KLHL4: variants seen among roughly 807,000 people sequenced by gnomAD.
KLHL4 encodes kelch like family member 4, also known as kelch-like protein 4.
Under a neutral mutation model 45.8 loss-of-function variants are expected in KLHL4, and 17 were observed. The observed-to-expected ratio is 0.37, with a 90% CI of 0.25 to 0.56. The LOEUF (loss-of-function observed/expected upper bound fraction) is 0.56. Ranked by LOEUF, KLHL4 falls within the 20% of genes least tolerant of loss-of-function variation. The pLI, the probability that KLHL4 is intolerant of heterozygous loss-of-function variation, is 0.79. For missense variants in KLHL4, 544 were observed against 544.9 expected (o/e 1.00, Z 0.02); for synonymous variants, 224 against 189.9 (o/e 1.18, Z -1.47).
chrX:87,626,785 C>A (rs906283947), intron 6 of KLHL4, among the ~76,000 whole-genome samples: 1 of 111,451 alleles, frequency 9.0e-6, no homozygotes, highest in African/African-American at 3.3e-5. Context: ...TTTCCTTTCA[C>A]ATGTTAATCA....
At chrX:87,657,215 T>C (rs1415354766) in intron 9 of KLHL4, among the ~76,000 whole-genome samples, 2 of 111,953 alleles carry the variant, frequency 1.8e-5, no homozygotes, top group African/African-American at 6.5e-5. Flanking sequence ...GGGTTTATGC[T>C]TTATATTTGC....
chrX:87,662,584 A>G (rs1453055957), intron 9 of KLHL4, among the ~76,000 whole-genome samples: 1 of 111,564 alleles, frequency 9.0e-6, no homozygotes, highest in East Asian at 2.8e-4. Flanking sequence ...TCAGCTTTTT[A>G]CAACTTAACT....
Position 87,534,774 on chromosome X carries a change from A to G in KLHL4, c.422+16459A>G, listed in dbSNP as rs776871911. On this transcript the variant is annotated intron_variant, in intron 1 of 10. Coordinates refer to ENST00000373119, the MANE Select transcript of KLHL4 (RefSeq NM_019117.5). ...ATTCAGGATAACTAAGATGGAAGTA[A>G]GGTTAATGATTCAAGACCTCTTAAG... Among the ~76,000 whole-genome samples, 6 of 112,319 alleles carry G rather than the reference A, an allele frequency of 5.3e-5. No individual in the cohort carries two copies. The South Asian group carries it at 2.2e-3, about 41-fold the overall frequency.
At chrX:87,574,171 G>A (rs1921020451) in intron 1 of KLHL4, among the ~76,000 whole-genome samples, 2 of 111,560 alleles carry the variant, frequency 1.8e-5, no homozygotes, top group South Asian at 3.7e-4. Context: ...ATTAAAACAA[G>A]TGTTGAGCTA....
At chrX:87,542,686 CTTGGAAGTAAATAA>C in intron 1 of KLHL4, among the ~76,000 whole-genome samples, 1 of 111,930 alleles carries the variant, frequency 8.9e-6, no homozygotes, top group African/African-American at 3.2e-5. Flanking sequence ...CCCATTGTAT[CTTGGAAGTAAATAA>C]CTTGCTTTTG....
At chrX:87,570,297 A>G (rs1932308125) in intron 1 of KLHL4, among the ~76,000 whole-genome samples, 2 of 110,998 alleles carry the variant, frequency 1.8e-5, no homozygotes, top group African/African-American at 3.3e-5. Flanking sequence ...ATATAGGCAT[A>G]TGTCAGGTAT....
At chrX:87,601,400 G>T (rs1922012328) in intron 1 of KLHL4, among the ~76,000 whole-genome samples, 2 of 111,427 alleles carry the variant, frequency 1.8e-5, no homozygotes, top group African/African-American at 6.5e-5. Context: ...CCAGCATGAG[G>T]GGCCACGTGC....
At chrX:87,551,312 A>T (rs1317452680) in intron 1 of KLHL4, among the ~76,000 whole-genome samples, 3 of 110,916 alleles carry the variant, frequency 2.7e-5, no homozygotes, top group Non-Finnish European at 5.7e-5. Flanking sequence ...AAAGACCTCT[A>T]TGAAGAAAAC....
intron 1 of KLHL4, among the ~76,000 whole-genome samples, chrX:87,538,433 G>A (rs1931479910): frequency 9.0e-6 from 1 of 111,580 alleles, no homozygotes; most frequent in South Asian, 3.6e-4. Flanking sequence ...TTGTTTTTTA[G>A]TGTTCCTTTT....
At chrX:87,539,728 A>G (rs1931511576) in intron 1 of KLHL4, among the ~76,000 whole-genome samples, 1 of 111,300 alleles carries the variant, frequency 9.0e-6, no homozygotes, top group Non-Finnish European at 1.9e-5. Context: ...GAATAAAATA[A>G]TGCACATCCT....
At chrX:87,568,265 T>C (rs757381195) in intron 1 of KLHL4, among the ~76,000 whole-genome samples, 7 of 109,850 alleles carry the variant, frequency 6.4e-5, no homozygotes, top group Non-Finnish European at 1.3e-4. Flanking sequence ...TGGAAAGATA[T>C]CCTGTGTTCC....
At chrX:87,601,076 A>G (rs778401678) in intron 1 of KLHL4, among the ~76,000 whole-genome samples, 17 of 111,992 alleles carry the variant, frequency 1.5e-4, no homozygotes, top group African/African-American at 5.2e-4. Flanking sequence ...GAATCCATAC[A>G]GGTCTACAGC....
At chrX:87,558,867 T>G (rs1453540589) in intron 1 of KLHL4, among the ~76,000 whole-genome samples, 1 of 112,068 alleles carries the variant, frequency 8.9e-6, no homozygotes, top group Non-Finnish European at 1.9e-5. Flanking sequence ...ATTTGATACA[T>G]CATTGTCTTA....
chrX:87,572,592 C>T (rs1202120194), intron 1 of KLHL4, among the ~76,000 whole-genome samples: 1 of 110,433 alleles, frequency 9.1e-6, no homozygotes, highest in Non-Finnish European at 1.9e-5. Flanking sequence ...AGAACCATTA[C>T]AATCAGATTT....
chrX:87,636,549 A>G (rs1245227928), intron 9 of KLHL4, among the ~76,000 whole-genome samples: 1 of 111,611 alleles, frequency 9.0e-6, no homozygotes. Context: ...TTGCTTTCTC[A>G]GCTGGGAGTC....
intron 1 of KLHL4, among the ~76,000 whole-genome samples, chrX:87,566,975 A>T (rs1488950131): frequency 9.0e-6 from 1 of 110,944 alleles, no homozygotes; most frequent in Non-Finnish European, 1.9e-5. Context: ...TACGCTTAAT[A>T]CCTGGGTGAT....
intron 1 of KLHL4, among the ~76,000 whole-genome samples, chrX:87,550,163 G>C (rs1032969560): frequency 1.8e-5 from 2 of 110,939 alleles, no homozygotes; most frequent in African/African-American, 6.5e-5. Flanking sequence ...AGAAGAAATG[G>C]TCAAATTCCT....
chrX:87,608,980 T>A (rs1922286438), intron 1 of KLHL4, among the ~76,000 whole-genome samples: 1 of 110,924 alleles, frequency 9.0e-6, no homozygotes, highest in African/African-American at 3.3e-5. Context: ...TTCTCATTGT[T>A]CAATTCCCAC....
chrX:87,600,613 A>G (rs113512706), intron 1 of KLHL4, among the ~76,000 whole-genome samples: 2,114 of 111,561 alleles, frequency 0.019, 50 homozygotes, highest in African/African-American at 0.065. Context: ...GTTTTCGGAG[A>G]CCTCCACGGA....
Sources: gnomAD v4.1 joint callset for allele counts (sites outside exome capture counted in the v4.1 genomes callset) on GRCh38, gnomAD v4.1.1 for gene constraint, MANE v1.5 for transcripts, NCBI Gene and HGNC (gene_info 2026-07-23, HGNC 2026-07-21) for gene names.